The following XNDC1N variants were observed in gnomAD, a reference collection of about 807,000 sequenced individuals.
The protein encoded by XNDC1N is XRCC1 N-terminal domain containing 1, N-terminal like, also known as protein XNDC1N.
the XNDC1N span, among the ~76,000 whole-genome samples, chr11:71,900,031 T>G: frequency 6.6e-6 from 1 of 152,272 alleles, no homozygotes; most frequent in African/African-American, 2.4e-5. Flanking sequence ...GATGTTTGGG[T>G]GGAGAGAAAC....
chr11:71,888,831 G>A, the XNDC1N span, among the ~76,000 whole-genome samples: 24 of 152,266 alleles, frequency 1.6e-4, no homozygotes, highest in South Asian at 1.9e-3. Context: ...GAAAATCCCC[G>A]TATAACCATT....
the XNDC1N span, among the ~76,000 whole-genome samples, chr11:71,922,350 T>G: frequency 3.5e-4 from 53 of 152,346 alleles, no homozygotes; most frequent in Non-Finnish European, 5.6e-4. Flanking sequence ...TCGCCCAGGC[T>G]GGAGTGCAGT....
the XNDC1N span, chr11:71,923,175 T>A: frequency 5.4e-5 from 36 of 662,116 alleles, 1 homozygote; most frequent in South Asian, 5.7e-4. Context: ...AAGAGCTGTT[T>A]CTTCTCTTAG....
At chr11:71,903,901 A>G in the XNDC1N span, 1 of 421,668 alleles carries the variant, frequency 2.4e-6, no homozygotes, top group Non-Finnish European at 4.8e-6. Flanking sequence ...GGAAGTATAA[A>G]CCTTCACCAC....
At chr11:71,866,830 A>G in the XNDC1N span, among the ~76,000 whole-genome samples, 7 of 151,646 alleles carry the variant, frequency 4.6e-5, no homozygotes, top group Non-Finnish European at 8.8e-5. Flanking sequence ...GACCTTTGCC[A>G]GTTGTACATT....
chr11:71,913,155 A>T, the XNDC1N span, among the ~76,000 whole-genome samples: 4 of 152,170 alleles, frequency 2.6e-5, no homozygotes, highest in African/African-American at 9.6e-5. Context: ...GGATATTAGG[A>T]ACAATATCAC....
the XNDC1N span, among the ~76,000 whole-genome samples, chr11:71,889,835 T>C: frequency 1.3e-5 from 2 of 152,168 alleles, no homozygotes; most frequent in Non-Finnish European, 2.9e-5. Context: ...GTAGTAGTTC[T>C]TGGGCATACC....
the XNDC1N span, chr11:71,918,749 C>T: frequency 1.6e-6 from 1 of 614,686 alleles, no homozygotes; most frequent in Non-Finnish European, 2.9e-6. Flanking sequence ...GGCCACATTT[C>T]CCTTTGACAC....
the XNDC1N span, among the ~76,000 whole-genome samples, chr11:71,875,284 GAGAGA>G: frequency 6.6e-6 from 1 of 152,016 alleles, no homozygotes; most frequent in Non-Finnish European, 1.5e-5. Context: ...GAATAAGAGA[GAGAGA>G]AATTTAATGG....
chr11:71,883,121 A>G, the XNDC1N span, among the ~76,000 whole-genome samples: 32 of 152,340 alleles, frequency 2.1e-4, no homozygotes, highest in African/African-American at 7.5e-4. Flanking sequence ...AAGATATCCT[A>G]TGTTCATGAA....
At chr11:71,876,571 A>G in the XNDC1N span, among the ~76,000 whole-genome samples, 5,535 of 152,284 alleles carry the variant, frequency 0.036, 95 homozygotes, top group East Asian at 0.08. Flanking sequence ...TGGTGCAAAC[A>G]TAATTGCGAT....
chr11:71,877,183 C>T, the XNDC1N span, among the ~76,000 whole-genome samples: 5 of 152,214 alleles, frequency 3.3e-5, no homozygotes, highest in Admixed American at 2.0e-4. Context: ...CATTCACTAA[C>T]ACTCTGAAGT....
chr11:71,915,963 G>C, the XNDC1N span: 1 of 619,716 alleles, frequency 1.6e-6, no homozygotes. Flanking sequence ...ATTTGTGTGT[G>C]TGTGTGTGTA....
At chr11:71,897,920 C>G in the XNDC1N span, among the ~76,000 whole-genome samples, 1 of 152,228 alleles carries the variant, frequency 6.6e-6, no homozygotes, top group African/African-American at 2.4e-5. Context: ...CGGTGGCTCA[C>G]GCCTGTAATC....
chr11:71,888,438 T>C, the XNDC1N span, among the ~76,000 whole-genome samples: 1 of 152,308 alleles, frequency 6.6e-6, no homozygotes, highest in African/African-American at 2.4e-5. Context: ...GGAATGCGGA[T>C]GCCAACAACA....
At chr11:71,878,984 A>T in the XNDC1N span, among the ~76,000 whole-genome samples, 1 of 152,204 alleles carries the variant, frequency 6.6e-6, no homozygotes, top group Admixed American at 6.5e-5. Context: ...TGGGCAACAG[A>T]GTGAGACCCT....
At chr11:71,878,266 T>C in the XNDC1N span, among the ~76,000 whole-genome samples, 1 of 152,254 alleles carries the variant, frequency 6.6e-6, no homozygotes, top group African/African-American at 2.4e-5. Flanking sequence ...GTACTTTAAA[T>C]GACTGATAGT....
At chr11:71,876,053 A>AC in the XNDC1N span, among the ~76,000 whole-genome samples, 5 of 151,966 alleles carry the variant, frequency 3.3e-5, no homozygotes, top group African/African-American at 1.2e-4. Flanking sequence ...GAAAAAGAAA[A>AC]CCGGCATCAA....
At chr11:71,910,605 C>T in the XNDC1N span, among the ~76,000 whole-genome samples, 58 of 152,282 alleles carry the variant, frequency 3.8e-4, no homozygotes, top group Non-Finnish European at 6.3e-4. Context: ...TGCCCTACAC[C>T]GGCACCTGGA....
Sources: gnomAD v4.1 joint callset for allele counts (sites outside exome capture counted in the v4.1 genomes callset) on GRCh38, gnomAD v4.1.1 for gene constraint, MANE v1.5 for transcripts, NCBI Gene and HGNC (gene_info 2026-07-23, HGNC 2026-07-21) for gene names.